NRXN3: variants seen among roughly 807,000 people sequenced by gnomAD.
The protein encoded by NRXN3 is neurexin 3, also known as neurexin III.
Under a neutral mutation model 137.6 loss-of-function variants are expected in NRXN3, and 32 were observed. The ratio of observed to expected loss-of-function variants is 0.23; its 90% CI spans 0.18 to 0.31. NRXN3 has a LOEUF of 0.31. Ranked by LOEUF, NRXN3 falls within the 10% of genes least tolerant of loss-of-function variation. NRXN3 has a pLI of 1.00. For missense variants in NRXN3, 1,574 were observed against 2,062.5 expected (o/e 0.76, Z 4.59); for synonymous variants, 798 against 784.5 (o/e 1.02, Z -0.29).
intron 15 of NRXN3, among the ~76,000 whole-genome samples, chr14:79,284,357 T>TATATATATAC (rs2081866308): frequency 8.8e-6 from 1 of 113,196 alleles, no homozygotes; most frequent in African/African-American, 4.1e-5. Context: ...TATATATATA[T>TATATATATAC]ATATATATAT....
At chr14:78,633,908 GCAGGCTAGAGCCCACAGTGCTAA>G (rs2097544433) in intron 4 of NRXN3, among the ~76,000 whole-genome samples, 1 of 152,210 alleles carries the variant, frequency 6.6e-6, no homozygotes, top group African/African-American at 2.4e-5. Context: ...GTCTAGACTT[GCAGGCTAGAGCCCACAGTGCTAA>G]CAAAGGAGGA....
chr14:78,269,465 A>G (rs1052030133), intron 2 of NRXN3, among the ~76,000 whole-genome samples: 1 of 152,194 alleles, frequency 6.6e-6, no homozygotes, highest in African/African-American at 2.4e-5. Context: ...AATTAGTTTT[A>G]ATAGGTAAAG....
intron 17 of NRXN3, among the ~76,000 whole-genome samples, chr14:79,678,691 C>T (rs2098653694): frequency 6.6e-6 from 1 of 152,244 alleles, no homozygotes; most frequent in South Asian, 2.1e-4. Context: ...TCTCACCTGT[C>T]CATCTCTTGT....
intron 20 of NRXN3, among the ~76,000 whole-genome samples, chr14:79,849,522 C>T (rs959565870): frequency 6.6e-6 from 1 of 152,120 alleles, no homozygotes; most frequent in Non-Finnish European, 1.5e-5. Context: ...CATAACTAAT[C>T]ACCAGGGACA....
rs971222698 is a variant in NRXN3 at position 78,999,744 on chromosome 14, C to T, written c.3262+11603C>T. Among the ~76,000 whole-genome samples, 33 of 152,046 alleles carry T rather than the reference C, an allele frequency of 2.2e-4. 1 individual carries two copies. The highest frequency in any genetic ancestry group is 6.8e-4 in the African/African-American group (28 of 41,382). On this transcript the variant is annotated intron_variant, in intron 15 of 20. Coordinates refer to ENST00000335750, the MANE Select transcript of NRXN3 (RefSeq NM_001330195.2). The stretch of plus-strand genomic sequence containing the variant: ...ATATAAAAGGGAAATGGTTTTACAG[C>T]GGATCATGGTTGGAGGGAAAACACC...
chr14:79,283,016 C>T (rs942370008), intron 15 of NRXN3, among the ~76,000 whole-genome samples: 2 of 152,172 alleles, frequency 1.3e-5, no homozygotes, highest in Admixed American at 1.3e-4. Context: ...CAGAAGACCC[C>T]ACAGAGCTTT....
At chr14:79,388,628 G>A (rs1343836850) in intron 15 of NRXN3, among the ~76,000 whole-genome samples, 1 of 152,006 alleles carries the variant, frequency 6.6e-6, no homozygotes, top group Non-Finnish European at 1.5e-5. Context: ...CTAGATCTCG[G>A]TTCATTCTGT....
chr14:78,705,054 A>G (rs187345580), intron 6 of NRXN3, among the ~76,000 whole-genome samples: 2 of 152,270 alleles, frequency 1.3e-5, no homozygotes, highest in East Asian at 3.9e-4. Flanking sequence ...TTACAAGCCC[A>G]TGGGTGGGAT....
chr14:79,737,555 GTATTT>G (rs1357218012), intron 19 of NRXN3, among the ~76,000 whole-genome samples: 2 of 151,966 alleles, frequency 1.3e-5, no homozygotes, highest in African/African-American at 4.8e-5. Flanking sequence ...TTTATATTAG[GTATTT>G]TATTTTAACA....
At chr14:78,826,232 A>C (rs1028125851) in intron 10 of NRXN3, among the ~76,000 whole-genome samples, 1 of 152,130 alleles carries the variant, frequency 6.6e-6, no homozygotes, top group East Asian at 1.9e-4. Flanking sequence ...TTTCTTTCTC[A>C]ATTTTTTAGT....
At chr14:79,154,810 G>A (rs1336031214) in intron 15 of NRXN3, among the ~76,000 whole-genome samples, 1 of 151,820 alleles carries the variant, frequency 6.6e-6, no homozygotes, top group Non-Finnish European at 1.5e-5. Context: ...CTATTTTTAT[G>A]GTAATGAAAC....
chr14:79,387,227 A>C (rs1394500042), intron 15 of NRXN3, among the ~76,000 whole-genome samples: 1 of 152,132 alleles, frequency 6.6e-6, no homozygotes, highest in East Asian at 1.9e-4. Context: ...AATATCCAGA[A>C]TCTACAATGA....
intron 10 of NRXN3, among the ~76,000 whole-genome samples, chr14:78,949,511 A>G (rs181973557): frequency 6.6e-6 from 1 of 151,968 alleles, no homozygotes; most frequent in African/African-American, 2.4e-5. Context: ...TACATTGAAC[A>G]CCCTCTTGGT....
At position 78,897,717 on chromosome 14, in the gene NRXN3, G is replaced by A. The variant is rs370885988; in HGVS notation, c.2276-59525G>A. On this transcript the variant is annotated intron_variant, in intron 10 of 20. Transcript: ENST00000335750. ...ATTACACATTTATCCCAAGTAATGC[G>A]TAGGGAGCTTCCTTTCTTGCACCTA... Among the ~76,000 whole-genome samples the A allele has an allele frequency of 8.2e-4, 125 of 151,986 alleles. 6 individuals carry two copies. In the South Asian group the frequency reaches 0.024, roughly 29 times the overall value.
chr14:79,007,541 C>G (rs183058715), intron 15 of NRXN3, among the ~76,000 whole-genome samples: 9 of 151,616 alleles, frequency 5.9e-5, no homozygotes, highest in Admixed American at 5.9e-4. Context: ...CGTGGTGGCT[C>G]ACACCTGCAA....
intron 4 of NRXN3, among the ~76,000 whole-genome samples, chr14:78,430,518 A>G (rs1473902245): frequency 2.0e-5 from 3 of 152,234 alleles, no homozygotes; most frequent in East Asian, 3.9e-4. Context: ...CTAAGGTTTT[A>G]TAAATACTAG....
At chr14:79,801,011 C>T (rs1372762522) in intron 19 of NRXN3, among the ~76,000 whole-genome samples, 1 of 152,170 alleles carries the variant, frequency 6.6e-6, no homozygotes, top group Non-Finnish European at 1.5e-5. Flanking sequence ...GAAGTCTTTC[C>T]ATACTACACA....
chr14:78,179,889 A>C (rs1470247180), intron 1 of NRXN3, among the ~76,000 whole-genome samples: 1 of 127,498 alleles, frequency 7.8e-6, no homozygotes, highest in Non-Finnish European at 1.6e-5. Flanking sequence ...CTTGTTACCC[A>C]GGTTGGAGTG....
rs963870929 is a variant in NRXN3, at chr14:79,067,325, G to A, written c.3262+79184G>A. 3.9e-5 allele frequency among the ~76,000 whole-genome samples: 6 copies of A among 152,060 alleles called. No homozygotes were observed. The South Asian group carries it at 1.0e-3, about 26-fold the overall frequency. On this transcript the variant is annotated intron_variant, in intron 15 of 20. Transcript: ENST00000335750. ...TCCCAGTGATGAAGCCAACTTGATC[G>A]TGGTGGATAAGCTTTTTGATGTGCT...
Sources: gnomAD v4.1 joint callset for allele counts (sites outside exome capture counted in the v4.1 genomes callset) on GRCh38, gnomAD v4.1.1 for gene constraint, MANE v1.5 for transcripts, NCBI Gene and HGNC (gene_info 2026-07-23, HGNC 2026-07-21) for gene names.